Variants in BBOX1 observed in about 807,000 individuals in gnomAD.
BBOX1 encodes gamma-butyrobetaine hydroxylase 1, also known as gamma-butyrobetaine dioxygenase.
In BBOX1, 35 loss-of-function variants were observed where a neutral mutation model predicts 41.6. The ratio of observed to expected loss-of-function variants is 0.84; its 90% CI spans 0.64 to 1.11. The LOEUF (loss-of-function observed/expected upper bound fraction) is 1.11. Among genes scored for constraint, BBOX1 ranks in the 50% most tolerant of loss-of-function variants. BBOX1 has a pLI of 0.00. For synonymous variants in BBOX1, 163 were observed against 154.7 expected (o/e 1.05, Z -0.40); for missense variants, 458 against 460.6 (o/e 0.99, Z 0.05).
chr11:27,060,387 C>T (rs1298694952), intron 4 of BBOX1, among the ~76,000 whole-genome samples: 1 of 152,130 alleles, frequency 6.6e-6, no homozygotes, highest in Non-Finnish European at 1.5e-5. Context: ...CAGCACCATG[C>T]TTCCTATAAA....
At chr11:27,084,394 A>G (rs554582300) in intron 4 of BBOX1, among the ~76,000 whole-genome samples, 1 of 152,216 alleles carries the variant, frequency 6.6e-6, no homozygotes, top group South Asian at 2.1e-4. Context: ...ATCTCAACAT[A>G]AAAGAAGTGA....
intron 2 of BBOX1, among the ~76,000 whole-genome samples, chr11:27,049,836 T>C (rs533520232): frequency 8.5e-5 from 13 of 152,298 alleles, no homozygotes; most frequent in African/African-American, 3.1e-4. Context: ...TTATTTCCTT[T>C]GCTGTGCAGG....
chr11:27,048,467 GT>G (rs1432318577), intron 2 of BBOX1, among the ~76,000 whole-genome samples: 7 of 30,108 alleles, frequency 2.3e-4, no homozygotes, highest in East Asian at 2.0e-3. Flanking sequence ...TAATATTGAG[GT>G]GTGTGTGTGT....
At chr11:27,126,167 T>C (rs1859644052) in intron 8 of BBOX1, among the ~76,000 whole-genome samples, 1 of 152,200 alleles carries the variant, frequency 6.6e-6, no homozygotes, top group Admixed American at 6.5e-5. Flanking sequence ...CAGAAAGCAT[T>C]ATATTTTTTC....
chr11:27,090,297 G>A (rs542644101), intron 4 of BBOX1, among the ~76,000 whole-genome samples: 1 of 152,024 alleles, frequency 6.6e-6, no homozygotes, highest in Non-Finnish European at 1.5e-5. Context: ...ACAAAGAGAG[G>A]AACTTTACAG....
chr11:27,114,408 A>G (rs1859184667), intron 5 of BBOX1, among the ~76,000 whole-genome samples: 1 of 151,852 alleles, frequency 6.6e-6, no homozygotes, highest in African/African-American at 2.4e-5. Flanking sequence ...TCAAATTTAT[A>G]TGAAATTGTG....
At chr11:27,049,862 C>T (rs149781830) in intron 2 of BBOX1, among the ~76,000 whole-genome samples, 2 of 152,032 alleles carry the variant, frequency 1.3e-5, no homozygotes, top group African/African-American at 4.8e-5. Flanking sequence ...AATTCAATAC[C>T]ATCTCATTTG....
rs192937751 is a variant in BBOX1, at chr11:27,080,392, A to C, written c.335-12776A>C. Among the ~76,000 whole-genome samples the C allele has an allele frequency of 3.2e-3, 492 of 152,208 alleles. 2 individuals carry two copies. The highest frequency in any genetic ancestry group is 0.011 in the African/African-American group (476 of 41,564). ...CTCTCTTTCACACTAGACAGTTAAA[A>C]TCTAGAGAAAGAACTAATATTAGTA... On this transcript the variant is annotated intron_variant, in intron 4 of 8. Coordinates refer to ENST00000263182, the MANE Select transcript of BBOX1 (RefSeq NM_003986.3).
At chr11:27,105,253 A>C (rs186487576) in intron 5 of BBOX1, among the ~76,000 whole-genome samples, 1 of 152,318 alleles carries the variant, frequency 6.6e-6, no homozygotes, top group Admixed American at 6.5e-5. Flanking sequence ...ATGACTGATG[A>C]ATTGAGAGAA....
chr11:27,049,810 C>T (rs995339446), intron 2 of BBOX1, among the ~76,000 whole-genome samples: 3 of 152,070 alleles, frequency 2.0e-5, no homozygotes, highest in Non-Finnish European at 4.4e-5. Context: ...TTTAGGCTGT[C>T]TCCTCACTCT....
chr11:27,064,122 T>C (rs1053243464), intron 4 of BBOX1, among the ~76,000 whole-genome samples: 1 of 152,144 alleles, frequency 6.6e-6, no homozygotes, highest in Non-Finnish European at 1.5e-5. Flanking sequence ...GAGCCTGCAA[T>C]GCAAATCAGG....
chr11:27,120,983 TTATAA>T (rs1859438746), intron 7 of BBOX1, among the ~76,000 whole-genome samples: 1 of 152,052 alleles, frequency 6.6e-6, no homozygotes, highest in South Asian at 2.1e-4. Context: ...GATGAGTAAA[TTATAA>T]TAAAAGTTAA....
At chr11:27,093,028 A>G in intron 4 of BBOX1, 140 bp from the exon 5 acceptor site, 2 of 846,656 alleles carry the variant, frequency 2.4e-6, no homozygotes, top group Non-Finnish European at 3.6e-6. Flanking sequence ...TGACTTGGGC[A>G]TTTCTAATAT....
chr11:27,052,975 A>G (rs914788595), intron 2 of BBOX1, among the ~76,000 whole-genome samples: 11 of 152,174 alleles, frequency 7.2e-5, no homozygotes, highest in African/African-American at 2.7e-4. Flanking sequence ...CTACACAGCA[A>G]CTTCCAAATA....
rs375474764 is a variant in BBOX1 at position 27,127,354 on chromosome 11, A to T, written c.1065A>T (p.Gly355=). Reference sequence around the variant, plus strand: ...ATGGCCGACGTAGCTATGAAGCAGGAACTGAGATATCCCGCCATCTAGAAG... The same window carrying T: ...ATGGCCGACGTAGCTATGAAGCAGGTACTGAGATATCCCGCCATCTAGAAG... ...LLHGRRSYEA[G]TEISRHLEGA... Residue 355 remains glycine (G), a synonymous_variant, in exon 9 of 9, where the codon GGA becomes GGT. Coordinates refer to ENST00000263182, the MANE Select transcript of BBOX1 (RefSeq NM_003986.3). 4 of 1,614,022 alleles carry T rather than the reference A, an allele frequency of 2.5e-6. No homozygotes were observed. The African/African-American group carries it at 5.3e-5, about 22-fold the overall frequency.
intron 4 of BBOX1, chr11:27,063,148 G>A (rs1857181786): frequency 6.6e-6 from 1 of 152,104 alleles, no homozygotes; most frequent in African/African-American, 2.4e-5. Flanking sequence ...TGACCTGTAG[G>A]ACAGCAAGTT....
At chr11:27,099,463 AC>A (rs1225684450) in intron 5 of BBOX1, among the ~76,000 whole-genome samples, 1 of 150,926 alleles carries the variant, frequency 6.6e-6, no homozygotes, top group African/African-American at 2.4e-5. Flanking sequence ...GTGGTAGTCA[AC>A]TTTTATCTTG....
chr11:27,119,971 C>T, intron 7 of BBOX1, 126 bp downstream of exon 7: 1 of 558,124 alleles, frequency 1.8e-6, no homozygotes, highest in Non-Finnish European at 2.8e-6. Context: ...AACATTTCAC[C>T]CAATTTTAGA....
At chr11:27,093,804 T>G (rs1208743772) in intron 5 of BBOX1, among the ~76,000 whole-genome samples, 1 of 151,992 alleles carries the variant, frequency 6.6e-6, no homozygotes, top group Admixed American at 6.6e-5. Context: ...CTTTCTTCTG[T>G]GCATAGCACA....
Sources: allele counts gnomAD v4.1 joint callset (sites outside exome capture counted in the v4.1 genomes callset), GRCh38; gene constraint gnomAD v4.1.1; transcripts MANE v1.5; gene names NCBI Gene and HGNC (gene_info 2026-07-23, HGNC 2026-07-21).